Variants in RASEF observed in about 807,000 individuals in gnomAD.
RASEF encodes the protein ras and EF-hand domain-containing protein.
A neutral mutation model predicts 90.1 loss-of-function variants in RASEF; 68 were observed. That is an observed-to-expected ratio of 0.75 (90% CI 0.62 to 0.92). The LOEUF is 0.92. RASEF is among the 40% of genes least tolerant of loss of function. RASEF has a pLI of 0.00. For synonymous variants in RASEF, 331 were observed against 345.2 expected (o/e 0.96, Z 0.46); for missense variants, 949 against 937.2 (o/e 1.01, Z -0.16).
At chr9:83,060,047 T>C (rs182283403) in intron 1 of RASEF, among the ~76,000 whole-genome samples, 369 of 152,318 alleles carry the variant, frequency 2.4e-3, no homozygotes, top group South Asian at 3.1e-3. Flanking sequence ...AACAGTGTCA[T>C]GCTTTGCCTT....
intron 16 of RASEF, among the ~76,000 whole-genome samples, chr9:82,984,322 C>T (rs1264660881): frequency 6.6e-6 from 1 of 152,128 alleles, no homozygotes. Flanking sequence ...TGAATGCATA[C>T]AGCACATCTG....
chr9:83,214,561 A>G, the RASEF span, among the ~76,000 whole-genome samples: 1 of 152,022 alleles, frequency 6.6e-6, no homozygotes. Context: ...CCCCACCCAA[A>G]TCTCATCTTG....
At chr9:83,056,278 C>T (rs1830102437) in intron 1 of RASEF, among the ~76,000 whole-genome samples, 1 of 152,088 alleles carries the variant, frequency 6.6e-6, no homozygotes, top group Non-Finnish European at 1.5e-5. Flanking sequence ...AGATAAATTC[C>T]ACCATTAGAA....
intron 8 of RASEF, among the ~76,000 whole-genome samples, chr9:83,004,817 C>G (rs1004736911): frequency 6.6e-6 from 1 of 152,164 alleles, no homozygotes; most frequent in Non-Finnish European, 1.5e-5. Context: ...TATCTTACGT[C>G]CAAACCCTAC....
chr9:83,017,844 A>G (rs983697025), intron 3 of RASEF, among the ~76,000 whole-genome samples: 5 of 152,242 alleles, frequency 3.3e-5, no homozygotes, highest in Non-Finnish European at 7.3e-5. Flanking sequence ...AGGATAATAC[A>G]TCATAACTAA....
the RASEF span, among the ~76,000 whole-genome samples, chr9:83,138,194 C>G: frequency 6.6e-6 from 1 of 151,938 alleles, no homozygotes; most frequent in Admixed American, 6.6e-5. Context: ...CCAAATAATC[C>G]CAGCAGGCTA....
intron 3 of RASEF, among the ~76,000 whole-genome samples, chr9:83,017,602 G>C (rs1829367694): frequency 6.6e-6 from 1 of 152,178 alleles, no homozygotes; most frequent in South Asian, 2.1e-4. Flanking sequence ...GATCAGATAA[G>C]AGATTGTTAC....
At chr9:83,035,502 T>C (rs1829724656) in intron 1 of RASEF, among the ~76,000 whole-genome samples, 2 of 152,204 alleles carry the variant, frequency 1.3e-5, no homozygotes, top group African/African-American at 2.4e-5. Flanking sequence ...AACTTTTTCA[T>C]ATACAGAAGT....
chr9:83,090,689 C>A, the RASEF span, among the ~76,000 whole-genome samples: 2 of 152,082 alleles, frequency 1.3e-5, no homozygotes, highest in African/African-American at 4.8e-5. Flanking sequence ...TGTGTCACTG[C>A]ACCTGGCCCA....
At position 82,981,675 on chromosome 9, in the gene RASEF, AAC is replaced by A. The variant is rs1207075655; in HGVS notation, c.*1000_*1001del. 2.6e-5 allele frequency: 4 copies of A among 152,198 alleles called. No individual in the cohort carries two copies. The highest frequency in any genetic ancestry group is 9.7e-5 in the African/African-American group (4 of 41,448). 9.4% of individuals were successfully genotyped at this position (152,198 alleles called of 1,614,324 possible). A position where few individuals can be genotyped will look rare whatever the true frequency, so the allele number is the denominator to read the frequency against. On this transcript the variant is annotated 3_prime_UTR_variant, in exon 17 of 17. Coordinates refer to ENST00000376447, the MANE Select transcript of RASEF (RefSeq NM_152573.4). The stretch of plus-strand genomic sequence containing the variant: ...AATTCAGTGGTTCCTAGTACATTCA[AAC>A]AGTTATACAACTATCACCACTATTC...
At chr9:83,134,391 C>T in the RASEF span, among the ~76,000 whole-genome samples, 1 of 140,694 alleles carries the variant, frequency 7.1e-6, no homozygotes. Flanking sequence ...AGAATTTGTT[C>T]CTCTTTGATC....
the RASEF span, among the ~76,000 whole-genome samples, chr9:83,105,299 G>T: frequency 3.9e-5 from 6 of 152,182 alleles, no homozygotes; most frequent in East Asian, 1.2e-3. Context: ...ATCCTATACT[G>T]AGCAGCACTA....
chr9:83,019,119 G>C (rs568108009), intron 3 of RASEF, among the ~76,000 whole-genome samples: 1 of 151,996 alleles, frequency 6.6e-6, no homozygotes, highest in Non-Finnish European at 1.5e-5. Flanking sequence ...ATGAAAAAAA[G>C]TATGGTCCAT....
chr9:83,212,478 A>G, the RASEF span, among the ~76,000 whole-genome samples: 3 of 152,248 alleles, frequency 2.0e-5, no homozygotes, highest in Non-Finnish European at 2.9e-5. Context: ...AAGTTTTACA[A>G]TTATGATTTG....
At chr9:83,115,439 T>C in the RASEF span, among the ~76,000 whole-genome samples, 8 of 152,114 alleles carry the variant, frequency 5.3e-5, no homozygotes, top group African/African-American at 1.9e-4. Flanking sequence ...AACACAACAT[T>C]TTTTCCTACT....
At position 82,981,039 on chromosome 9, in the gene RASEF, T is replaced by A. The variant is rs1339861552; in HGVS notation, c.*1638A>T. Reference sequence around the variant, plus strand: ...AACTGATGCTTGCGGAATTTAAGGTTCTATCACAAACACCGTGAACAGAAA... The same window carrying A: ...AACTGATGCTTGCGGAATTTAAGGTACTATCACAAACACCGTGAACAGAAA... On this transcript the variant is annotated 3_prime_UTR_variant, in exon 17 of 17. Transcript: ENST00000376447. 2.6e-5 allele frequency: 4 copies of A among 152,240 alleles called. No homozygotes were observed. Among genetic ancestry groups the A allele is most frequent in the African/African-American group, 7.2e-5 (3 of 41,464 alleles). 9.4% of individuals were successfully genotyped at this position (152,240 alleles called of 1,614,324 possible). A position where few individuals can be genotyped will look rare whatever the true frequency, so the allele number is the denominator to read the frequency against.
chr9:83,088,269 A>C, the RASEF span, among the ~76,000 whole-genome samples: 1,235 of 152,082 alleles, frequency 8.1e-3, 19 homozygotes, highest in African/African-American at 0.027. Flanking sequence ...ATATATCTCT[A>C]TATATAAATA....
At chr9:83,046,695 A>G (rs968496397) in intron 1 of RASEF, among the ~76,000 whole-genome samples, 3 of 152,218 alleles carry the variant, frequency 2.0e-5, no homozygotes, top group Non-Finnish European at 4.4e-5. Context: ...CTCAGCTCAG[A>G]GCAGACTGTA....
chr9:83,142,835 T>G, the RASEF span, among the ~76,000 whole-genome samples: 5 of 152,224 alleles, frequency 3.3e-5, no homozygotes, highest in African/African-American at 1.2e-4. Context: ...GTGGCTTTCA[T>G]GCTGTTTTAG....
Sources: allele counts gnomAD v4.1 joint callset (sites outside exome capture counted in the v4.1 genomes callset), GRCh38; gene constraint gnomAD v4.1.1; transcripts MANE v1.5; gene names NCBI Gene and HGNC (gene_info 2026-07-23, HGNC 2026-07-21).